Variants in PDZRN4 observed in about 807,000 individuals in gnomAD.
The protein encoded by PDZRN4 is PDZ domain containing ring finger 4.
PDZRN4 carries 70 observed loss-of-function variants against 99.0 expected under a neutral mutation model. The ratio of observed to expected loss-of-function variants is 0.71; its 90% confidence interval spans 0.58 to 0.86. The LOEUF (loss-of-function observed/expected upper bound fraction) is 0.86. PDZRN4 is among the 40% of genes least tolerant of loss of function. The pLI, the probability that PDZRN4 is intolerant of heterozygous loss-of-function variation, is 0.00. For missense variants in PDZRN4, 1,474 were observed against 1,331.2 expected (o/e 1.11, Z -1.67); for synonymous variants, 551 against 501.6 (o/e 1.10, Z -1.32).
intron 3 of PDZRN4, among the ~76,000 whole-genome samples, chr12:41,440,623 T>A (rs1952671075): frequency 6.6e-6 from 1 of 152,166 alleles, no homozygotes; most frequent in South Asian, 2.1e-4. Context: ...AGATGGAATG[T>A]CACCTCAAGA....
intron 6 of PDZRN4, among the ~76,000 whole-genome samples, chr12:41,553,599 C>T (rs1291146123): frequency 6.6e-6 from 1 of 151,614 alleles, no homozygotes; most frequent in Admixed American, 6.6e-5. Flanking sequence ...GAGGCTTTGG[C>T]AATAGGATAG....
rs187518394 is a variant in PDZRN4 at position 41,336,426 on chromosome 12, C to T, written c.843+142238C>T. 2.0e-3 allele frequency among the ~76,000 whole-genome samples: 303 copies of T among 152,182 alleles called. 2 individuals carry two copies. Among genetic ancestry groups the T allele is most frequent in the African/African-American group, 7.0e-3 (290 of 41,562 alleles). On this transcript the variant is annotated intron_variant, in intron 3 of 9. Transcript: ENST00000402685. Reference sequence around the variant, plus strand: ...TGTAAGCACCAGACTGACATTTCTTCCCAGAATATAGTTCTCCATATAAGG... The same window carrying T: ...TGTAAGCACCAGACTGACATTTCTTTCCAGAATATAGTTCTCCATATAAGG...
chr12:41,510,306 T>C (rs1938284575), intron 5 of PDZRN4, among the ~76,000 whole-genome samples: 1 of 152,160 alleles, frequency 6.6e-6, no homozygotes, highest in Admixed American at 6.6e-5. Context: ...TAAATTTTAT[T>C]ATATTGTATT....
chr12:41,473,348 T>A (rs1357097388), intron 3 of PDZRN4: 3 of 152,112 alleles, frequency 2.0e-5, no homozygotes, highest in Non-Finnish European at 4.4e-5. Flanking sequence ...GAACAAACCA[T>A]AACAAACCAT....
At chr12:41,307,351 C>T (rs1230201232) in intron 3 of PDZRN4, among the ~76,000 whole-genome samples, 2 of 152,288 alleles carry the variant, frequency 1.3e-5, no homozygotes, top group East Asian at 3.9e-4. Context: ...CTGTACACTA[C>T]CTCTTCCCAT....
intron 3 of PDZRN4, among the ~76,000 whole-genome samples, chr12:41,245,296 A>T (rs962003516): frequency 6.6e-6 from 1 of 152,198 alleles, no homozygotes; most frequent in African/African-American, 2.4e-5. Flanking sequence ...ATTTAATACA[A>T]ATTTGTTGAA....
intron 3 of PDZRN4, among the ~76,000 whole-genome samples, chr12:41,369,256 T>A (rs1027845176): frequency 2.0e-5 from 3 of 152,088 alleles, no homozygotes; most frequent in African/African-American, 7.2e-5. Context: ...TTTGTCTGTT[T>A]TCAGTTTCTC....
intron 5 of PDZRN4, among the ~76,000 whole-genome samples, chr12:41,551,795 T>C (rs1188396504): frequency 6.6e-6 from 1 of 152,236 alleles, no homozygotes; most frequent in African/African-American, 2.4e-5. Flanking sequence ...TGCTAATTTG[T>C]GTTTTAATCC....
intron 3 of PDZRN4, among the ~76,000 whole-genome samples, chr12:41,405,993 T>G (rs1952345680): frequency 6.6e-6 from 1 of 152,114 alleles, no homozygotes; most frequent in Non-Finnish European, 1.5e-5. Flanking sequence ...AACTACCTGT[T>G]GAGTACTATG....
chr12:41,196,060 A>AT (rs1027896911), intron 3 of PDZRN4, among the ~76,000 whole-genome samples: 1 of 152,134 alleles, frequency 6.6e-6, no homozygotes, highest in African/African-American at 2.4e-5. Context: ...AAGAAAAAGA[A>AT]TTTTTTATAT....
At chr12:41,319,243 T>A (rs1951658441) in intron 3 of PDZRN4, among the ~76,000 whole-genome samples, 1 of 152,166 alleles carries the variant, frequency 6.6e-6, no homozygotes, top group African/African-American at 2.4e-5. Context: ...ATTCATGTTC[T>A]GTTGCTCCAG....
At chr12:41,358,359 A>G (rs10785254) in intron 3 of PDZRN4, among the ~76,000 whole-genome samples, 56,699 of 151,760 alleles carry the variant, frequency 0.37, 10,675 homozygotes, top group Non-Finnish European at 0.39. Context: ...CTATTTTCTT[A>G]TATTTAACCA....
At chr12:41,569,744 T>C (rs1225812612) in intron 9 of PDZRN4, among the ~76,000 whole-genome samples, 1 of 152,208 alleles carries the variant, frequency 6.6e-6, no homozygotes, top group Non-Finnish European at 1.5e-5. Flanking sequence ...AATAATTAGA[T>C]TGCACACTAT....
At chr12:41,402,125 A>ATATATATATATACACACTGAG (rs1565572939) in intron 3 of PDZRN4, among the ~76,000 whole-genome samples, 1 of 90,956 alleles carries the variant, frequency 1.1e-5, no homozygotes, top group African/African-American at 6.9e-5. Context: ...GTATATATAT[A>ATATATATATATACACACTGAG]TATATATATA....
At chr12:41,262,926 A>AT (rs1165551274) in intron 3 of PDZRN4, among the ~76,000 whole-genome samples, 1 of 151,994 alleles carries the variant, frequency 6.6e-6, no homozygotes, top group African/African-American at 2.4e-5. Flanking sequence ...TTTTAGCCTG[A>AT]TTTTTTAAGT....
At chr12:41,226,083 A>AT (rs111762475) in intron 3 of PDZRN4, among the ~76,000 whole-genome samples, 3,841 of 148,456 alleles carry the variant, frequency 0.026, 111 homozygotes, top group African/African-American at 0.077. Context: ...ATTTGGTGTC[A>AT]TTTTTTTTTT....
At chr12:41,486,764 T>C (rs1937782707) in intron 3 of PDZRN4, among the ~76,000 whole-genome samples, 1 of 152,176 alleles carries the variant, frequency 6.6e-6, no homozygotes, top group South Asian at 2.1e-4. Context: ...AAAGTCCCTG[T>C]CCACATAGTG....
intron 3 of PDZRN4, among the ~76,000 whole-genome samples, chr12:41,501,092 A>G (rs745490922): frequency 2.4e-4 from 36 of 152,136 alleles, no homozygotes; most frequent in Non-Finnish European, 4.7e-4. Context: ...TCAATTTCAA[A>G]TTCGGTTATA....
At chr12:41,432,256 G>A (rs1174179036) in intron 3 of PDZRN4, among the ~76,000 whole-genome samples, 1 of 152,266 alleles carries the variant, frequency 6.6e-6, no homozygotes, top group Non-Finnish European at 1.5e-5. Flanking sequence ...ACCTGTCACC[G>A]ATGTTTTTCT....
Sources: gnomAD v4.1 joint callset for allele counts (sites outside exome capture counted in the v4.1 genomes callset) on GRCh38, gnomAD v4.1.1 for gene constraint, MANE v1.5 for transcripts, NCBI Gene and HGNC (gene_info 2026-07-23, HGNC 2026-07-21) for gene names.